Variants in KYNU observed in about 807,000 individuals in gnomAD.
KYNU encodes kynureninase, also known as L-kynurenine hydrolase.
A neutral mutation model predicts 59.2 loss-of-function variants in KYNU; 54 were observed. That is an observed-to-expected ratio of 0.91 (90% CI 0.73 to 1.14). The LOEUF is 1.14. Ranked by LOEUF, KYNU falls within the 50% of genes most tolerant of loss-of-function variation. The pLI is 0.00. For synonymous variants in KYNU, 177 were observed against 192.0 expected (o/e 0.92, Z 0.65); for missense variants, 567 against 554.4 (o/e 1.02, Z -0.23).
intron 2 of KYNU, among the ~76,000 whole-genome samples, chr2:142,898,309 T>C (rs1286324957): frequency 6.6e-6 from 1 of 151,974 alleles, no homozygotes; most frequent in Admixed American, 6.6e-5. Context: ...ATCCTAGCAA[T>C]TGCTGCAGCC....
chr2:142,927,742 G>T lies in KYNU; in HGVS notation c.373+1G>T, dbSNP rs1226043013. 1 of 1,601,304 alleles carries T rather than the reference G, an allele frequency of 6.2e-7. No individual in the cohort carries two copies. On this transcript the variant is annotated splice_donor_variant, in intron 4 of 13. Coordinates refer to ENST00000264170, the MANE Select transcript of KYNU (RefSeq NM_003937.3). LOFTEE classifies it high-confidence loss of function. ...GTAGGCCTTATGAAGGACATTGTAG[G>T]TAAGTACAAAACACTGAAGTTTTTC...
chr2:143,007,845 A>T (rs1057459052), intron 10 of KYNU, among the ~76,000 whole-genome samples: 4 of 118,194 alleles, frequency 3.4e-5, no homozygotes, highest in Admixed American at 1.6e-4. Flanking sequence ...TACTTTACAG[A>T]CAAGCAAATG....
intron 8 of KYNU, among the ~76,000 whole-genome samples, chr2:142,970,147 T>G (rs1229258534): frequency 6.6e-6 from 1 of 152,210 alleles, no homozygotes; most frequent in African/African-American, 2.4e-5. Flanking sequence ...GAAATTCACT[T>G]CTTTCATCAG....
intron 2 of KYNU, among the ~76,000 whole-genome samples, chr2:142,918,101 G>A (rs1308015048): frequency 6.6e-6 from 1 of 152,126 alleles, no homozygotes; most frequent in African/African-American, 2.4e-5. Context: ...AGTACTATGT[G>A]TACGTGTGTA....
chr2:142,954,933 A>C, intron 5 of KYNU, 62 bp downstream of exon 5: 1 of 1,065,780 alleles, frequency 9.4e-7, no homozygotes. Context: ...ATGTTTTTCT[A>C]TCTTTAATTC....
At chr2:142,916,303 T>C (rs1172976116) in intron 2 of KYNU, among the ~76,000 whole-genome samples, 2 of 152,176 alleles carry the variant, frequency 1.3e-5, no homozygotes, top group Non-Finnish European at 2.9e-5. Context: ...ATTTGAAGTG[T>C]GACCCTAAGA....
At chr2:143,020,331 AT>A (rs1686369494) in intron 10 of KYNU, among the ~76,000 whole-genome samples, 1 of 151,940 alleles carries the variant, frequency 6.6e-6, no homozygotes, top group East Asian at 1.9e-4. Context: ...CTATGTTTTA[AT>A]TTTCATTTGA....
intron 3 of KYNU, among the ~76,000 whole-genome samples, chr2:142,925,120 A>G (rs971342932): frequency 1.3e-5 from 2 of 152,244 alleles, no homozygotes; most frequent in African/African-American, 2.4e-5. Flanking sequence ...CCTAAATGTA[A>G]TAAGATGTAT....
intron 3 of KYNU, among the ~76,000 whole-genome samples, chr2:142,921,141 A>G (rs1485214625): frequency 6.6e-6 from 1 of 152,196 alleles, no homozygotes; most frequent in Non-Finnish European, 1.5e-5. Flanking sequence ...GCCATGGGTA[A>G]GGGTTTATAT....
intron 8 of KYNU, among the ~76,000 whole-genome samples, chr2:142,973,015 A>G (rs1684777668): frequency 6.7e-6 from 1 of 149,388 alleles, no homozygotes; most frequent in Non-Finnish European, 1.5e-5. Context: ...TTACATGATT[A>G]GTGTATATAT....
chr2:142,964,453 A>G (rs900223417), intron 8 of KYNU, among the ~76,000 whole-genome samples: 3 of 152,142 alleles, frequency 2.0e-5, no homozygotes, highest in African/African-American at 7.2e-5. Context: ...TACTGTTTTC[A>G]GTCTTTATAA....
Position 143,052,367 on chromosome 2 carries a change from A to G in KYNU, c.*10195A>G, listed in dbSNP as rs902639640. On this transcript the variant is annotated 3_prime_UTR_variant, in exon 14 of 14. Transcript: ENST00000264170. The stretch of plus-strand genomic sequence containing the variant: ...TAAGCTGGCTGCAGACATTTACATA[A>G]GTAACAAGAAGCTGAATGTTAATCA... The G allele has an allele frequency of 1.3e-5, 2 of 152,246 alleles. No homozygotes were observed. Among genetic ancestry groups the G allele is most frequent in the African/African-American group, 2.4e-5 (1 of 41,464 alleles). The allele number at this position is 152,246 out of a possible 1,614,324, so 9.4% of individuals were successfully genotyped here.
chr2:142,960,117 C>T (rs572082910), intron 7 of KYNU, among the ~76,000 whole-genome samples: 1 of 152,308 alleles, frequency 6.6e-6, no homozygotes. Context: ...AAACTCCTTA[C>T]CTCAAGTGAT....
intron 1 of KYNU, among the ~76,000 whole-genome samples, chr2:142,883,823 A>G (rs560081040): frequency 2.0e-5 from 3 of 152,264 alleles, no homozygotes; most frequent in Admixed American, 1.3e-4. Context: ...TTCATTTACA[A>G]ATAAATTGTA....
intron 4 of KYNU, among the ~76,000 whole-genome samples, chr2:142,929,359 C>CAAAA (rs5834929): frequency 1.9e-5 from 2 of 106,444 alleles, no homozygotes; most frequent in African/African-American, 7.4e-5. Flanking sequence ...TTGCCTTTCT[C>CAAAA]AAAAAAAAAA....
At chr2:142,989,028 G>C in intron 10 of KYNU, 1 of 702,936 alleles carries the variant, frequency 1.4e-6, no homozygotes, top group Non-Finnish European at 2.5e-6. Context: ...CCACCTGTGA[G>C]AAGAGTGATA....
chr2:142,908,792 G>A (rs976630574), intron 2 of KYNU, among the ~76,000 whole-genome samples: 20 of 151,996 alleles, frequency 1.3e-4, no homozygotes, highest in African/African-American at 3.1e-4. Context: ...CCACCACCAC[G>A]CCTGGCTAAT....
Position 143,033,245 on chromosome 2 carries a change from TA to T in KYNU, c.967del (p.Ile323SerfsTer24). On this transcript the variant is annotated frameshift_variant, in exon 12 of 14. Coordinates refer to ENST00000264170, the MANE Select transcript of KYNU (RefSeq NM_003937.3). LOFTEE classifies it high-confidence loss of function. ...TRFKMDNKLQ[L>X]IPGVCGFRIS... Reference sequence around the variant, plus strand: ...GATATTAATTTCTCAGAACTGCAGTTAATCCCTGGGGTCTGTGGATTCCGAA... The same window carrying T: ...GATATTAATTTCTCAGAACTGCAGTTATCCCTGGGGTCTGTGGATTCCGAA... The T allele has an allele frequency of 6.2e-6, 10 of 1,610,504 alleles. No homozygotes were observed. The highest frequency in any genetic ancestry group is 8.5e-6 in the Non-Finnish European group (10 of 1,176,688).
chr2:142,987,959 C>G (rs1022872180), intron 10 of KYNU, among the ~76,000 whole-genome samples: 2 of 151,890 alleles, frequency 1.3e-5, no homozygotes, highest in East Asian at 1.9e-4. Flanking sequence ...CCTGCCTCCC[C>G]CTTCACCCTC....
Sources: gnomAD v4.1 joint callset for allele counts (sites outside exome capture counted in the v4.1 genomes callset) on GRCh38, gnomAD v4.1.1 for gene constraint, MANE v1.5 for transcripts, NCBI Gene and HGNC (gene_info 2026-07-23, HGNC 2026-07-21) for gene names.